The following ZC3HC1 variants were observed in gnomAD, a reference collection of about 807,000 sequenced individuals.
ZC3HC1 encodes the protein zinc finger C3HC-type containing 1.
A neutral mutation model predicts 61.9 loss-of-function variants in ZC3HC1; 38 were observed. That is an observed-to-expected ratio of 0.61 (90% CI 0.47 to 0.81). The LOEUF (loss-of-function observed/expected upper bound fraction) is 0.81. Ranked by LOEUF, ZC3HC1 falls within the 30% of genes least tolerant of loss-of-function variation. ZC3HC1 has a pLI of 0.00. For missense variants in ZC3HC1, 554 were observed against 622.7 expected (o/e 0.89, Z 1.17); for synonymous variants, 213 against 229.9 (o/e 0.93, Z 0.67).
chr7:130,018,795 T>C, intron 9 of ZC3HC1, 63 bp from the exon 10 acceptor site: 1 of 1,435,562 alleles, frequency 7.0e-7, no homozygotes, highest in East Asian at 2.3e-5. Flanking sequence ...GGATAGATCA[T>C]TTGTCCCACA....
chr7:130,022,658 T>C (rs1584839038), intron 8 of ZC3HC1, 133 bp from the exon 9 acceptor site: 1 of 933,062 alleles, frequency 1.1e-6, no homozygotes, highest in Non-Finnish European at 1.6e-6. Flanking sequence ...CCTTCAAACT[T>C]TGCCTACACA....
upstream of ZC3HC1, chr7:130,051,440 G>T (rs1795075990): frequency 6.3e-7 from 1 of 1,594,142 alleles, no homozygotes; most frequent in Non-Finnish European, 8.5e-7. Context: ...GTTAATATCC[G>T]CCTCTTGAGG....
chr7:130,043,460 T>G (rs534297397), intron 2 of ZC3HC1: 1 of 153,864 alleles, frequency 6.5e-6, no homozygotes. Context: ...ATACAAATAT[T>G]AAAGGAGCCA....
chr7:130,026,462 A>G, intron 5 of ZC3HC1, 150 bp from the exon 6 acceptor site: 1 of 764,178 alleles, frequency 1.3e-6, no homozygotes. Flanking sequence ...AAATACTTCC[A>G]GGGACAGGGC....
chr7:130,023,579 C>A lies in ZC3HC1; in HGVS notation c.1165G>T (p.Gly389Cys), dbSNP rs200121861. Residue 389 changes from glycine (G) to cysteine (C), a missense_variant, in exon 8 of 10, where the codon GGC becomes TGC. Physicochemically the swap from Gly to Cys is radical, Grantham distance 159 (BLOSUM62 -3). Coordinates refer to ENST00000358303, the MANE Select transcript of ZC3HC1 (RefSeq NM_016478.5). This position sits in a 1 kb window ranked among gnomAD's most constrained non-coding sequence, Gnocchi z 4.2. Reference sequence around the variant, plus strand: ...AGAGGGCTAGATGGTACCTCCAGGCCAGGGGTGTCTCCTGTTCCCATGCTT... The same window carrying A: ...AGAGGGCTAGATGGTACCTCCAGGCAAGGGGTGTCTCCTGTTCCCATGCTT... Reference protein sequence around the residue: ...TRSMGTGDTPGLEVPSSPLRK... With the variant: ...TRSMGTGDTPCLEVPSSPLRK... 4 of 1,614,098 alleles carry A rather than the reference C, an allele frequency of 2.5e-6. No homozygotes were observed. In the Admixed American group the frequency reaches 6.7e-5, roughly 27 times the overall value.
intron 2 of ZC3HC1, among the ~76,000 whole-genome samples, chr7:130,047,134 T>C (rs145927357): frequency 2.0e-5 from 3 of 152,270 alleles, no homozygotes; most frequent in East Asian, 3.9e-4. Flanking sequence ...GGTTAATTTT[T>C]GTATTTTTAG....
At chr7:130,020,566 T>C (rs1231121584) in intron 9 of ZC3HC1, among the ~76,000 whole-genome samples, 1 of 151,966 alleles carries the variant, frequency 6.6e-6, no homozygotes, top group Non-Finnish European at 1.5e-5. Context: ...CTGGCCTCGG[T>C]ATATACTTTT....
At chr7:130,022,586 A>C (rs776434072) in intron 8 of ZC3HC1, 61 bp from the exon 9 acceptor site, 1 of 1,563,514 alleles carries the variant, frequency 6.4e-7, no homozygotes, top group Non-Finnish European at 8.7e-7. Flanking sequence ...TCAGGGAGGC[A>C]CTGCTGTTAG....
At chr7:130,030,572 T>C (rs4507692) in intron 4 of ZC3HC1, among the ~76,000 whole-genome samples, 76,370 of 151,802 alleles carry the variant, frequency 0.5, 20,070 homozygotes, top group East Asian at 0.7. Context: ...AGAGAACATG[T>C]CATCCTAGCC....
intron 9 of ZC3HC1, among the ~76,000 whole-genome samples, chr7:130,019,335 C>T (rs1192185283): frequency 6.6e-6 from 1 of 152,150 alleles, no homozygotes; most frequent in African/African-American, 2.4e-5. Context: ...AGGCGTGAGC[C>T]ACCACGCCCG....
At chr7:130,031,557 A>T (rs1431866401) in intron 4 of ZC3HC1, among the ~76,000 whole-genome samples, 1 of 152,190 alleles carries the variant, frequency 6.6e-6, no homozygotes, top group Non-Finnish European at 1.5e-5. Context: ...ACTGTTTAAC[A>T]TCACAGTTGC....
Position 130,026,248 on chromosome 7 carries a change from G to T in ZC3HC1, c.686C>A (p.Thr229Asn). 6.2e-7 allele frequency: 1 copy of T among 1,614,078 alleles called. No individual in the cohort carries two copies. The highest frequency in any genetic ancestry group is 8.5e-7 in the Non-Finnish European group (1 of 1,180,008). The change falls in exon 6 of 10, where the codon ACT (threonine) becomes AAT (asparagine). Residue 229 changes from threonine (T) to asparagine (N), a missense_variant. Physicochemically the swap from Thr to Asn is moderately conservative, Grantham distance 65. Transcript: ENST00000358303. ...TTTGATTGTAGTTTTTCTCTCATCA[G>T]TTCGGTGATCAAGTTCATCTTCAAG... ...HLLEDELDHR[T>N]DERKTTIKLG... is the part of the protein sequence containing the mutation.
intron 3 of ZC3HC1, 133 bp from the exon 4 acceptor site, chr7:130,039,680 A>G: frequency 1.7e-6 from 1 of 598,876 alleles, no homozygotes. Flanking sequence ...CAAGTACATA[A>G]TCTTAATATT....
At chr7:130,036,757 G>A (rs1001261048) in intron 4 of ZC3HC1, 1 of 152,060 alleles carries the variant, frequency 6.6e-6, no homozygotes, top group African/African-American at 2.4e-5. Context: ...CAAACCAAGG[G>A]ATCATATAAT....
At chr7:130,040,018 C>G (rs922741842) in intron 3 of ZC3HC1, among the ~76,000 whole-genome samples, 2 of 151,444 alleles carry the variant, frequency 1.3e-5, no homozygotes, top group African/African-American at 4.9e-5. Context: ...CTGCGCCCGG[C>G]CCCCATGTAT....
intron 1 of ZC3HC1, chr7:130,050,456 G>C (rs1231333294): frequency 5.9e-6 from 9 of 1,524,652 alleles, no homozygotes; most frequent in Non-Finnish European, 6.1e-6. Flanking sequence ...AAGACTCTCA[G>C]AGATTCATAG....
intron 2 of ZC3HC1, 117 bp downstream of exon 2, chr7:130,048,916 A>T: frequency 1.4e-6 from 1 of 692,554 alleles, no homozygotes; most frequent in Non-Finnish European, 2.1e-6. Flanking sequence ...TTTCCTATAT[A>T]ATTTCTTACC....
chr7:130,031,299 T>A (rs549409846), intron 4 of ZC3HC1, among the ~76,000 whole-genome samples: 1 of 127,126 alleles, frequency 7.9e-6, no homozygotes, highest in East Asian at 2.5e-4. Context: ...CACTCCAGCC[T>A]GGGCAACAGA....
chr7:130,048,889 CAT>C, intron 2 of ZC3HC1, 142 bp downstream of exon 2: 1 of 534,202 alleles, frequency 1.9e-6, no homozygotes, highest in Non-Finnish European at 3.0e-6. Flanking sequence ...TGAGTGATAA[CAT>C]ATTAGGATGC....
Sources: gnomAD v4.1 joint callset for allele counts (sites outside exome capture counted in the v4.1 genomes callset) on GRCh38, gnomAD v4.1.1 for gene constraint, Gnocchi (gnomAD v3.1) non-coding constraint, MANE v1.5 for transcripts, NCBI Gene and HGNC (gene_info 2026-07-23, HGNC 2026-07-21) for gene names.